The following MTA3 variants were observed in gnomAD, a reference collection of about 807,000 sequenced individuals.
The protein encoded by MTA3 is metastasis associated 1 family member 3, also known as metastasis-associated protein MTA3.
In MTA3, 34 loss-of-function variants were observed where a neutral mutation model predicts 83.5. The observed-to-expected ratio is 0.41, with a 90% confidence interval of 0.31 to 0.54. The LOEUF (loss-of-function observed/expected upper bound fraction) is 0.54. MTA3 is among the 20% of genes least tolerant of loss of function. The pLI is 0.33. For synonymous variants in MTA3, 303 were observed against 252.7 expected (o/e 1.20, Z -1.89); for missense variants, 761 against 726.4 (o/e 1.05, Z -0.55).
At chr2:42,587,946 C>T (rs1361062522) in intron 3 of MTA3, among the ~76,000 whole-genome samples, 4 of 152,100 alleles carry the variant, frequency 2.6e-5, no homozygotes, top group Non-Finnish European at 5.9e-5. Context: ...TTATGAATCA[C>T]TGCAACAGAA....
chr2:42,621,618 A>C (rs920496975), intron 4 of MTA3, among the ~76,000 whole-genome samples: 10 of 152,214 alleles, frequency 6.6e-5, no homozygotes, highest in South Asian at 2.1e-4. Context: ...CATCGTCATC[A>C]TGGCCCGTTC....
chr2:42,742,046 A>AT (rs1669075147), intron 16 of MTA3, among the ~76,000 whole-genome samples: 1 of 152,226 alleles, frequency 6.6e-6, no homozygotes, highest in Admixed American at 6.5e-5. Context: ...TTTTCTTTGT[A>AT]TAGGAAATGG....
At chr2:42,692,765 CTGTT>C (rs1226363049) in intron 9 of MTA3, among the ~76,000 whole-genome samples, 1 of 152,184 alleles carries the variant, frequency 6.6e-6, no homozygotes, top group Non-Finnish European at 1.5e-5. Flanking sequence ...TCACATGTCT[CTGTT>C]TGTCCAGCAT....
At chr2:42,679,422 G>T (rs1372136360) in intron 8 of MTA3, among the ~76,000 whole-genome samples, 1 of 152,130 alleles carries the variant, frequency 6.6e-6, no homozygotes, top group African/African-American at 2.4e-5. Context: ...CGCACAGAAA[G>T]GCCAATGTGC....
intron 4 of MTA3, among the ~76,000 whole-genome samples, chr2:42,639,202 A>G (rs563236100): frequency 5.3e-5 from 8 of 151,768 alleles, no homozygotes; most frequent in Non-Finnish European, 1.2e-4. Context: ...CTGGGATTAC[A>G]GGCATGTGCT....
At chr2:42,619,676 A>C (rs1386650992) in intron 4 of MTA3, among the ~76,000 whole-genome samples, 1 of 152,246 alleles carries the variant, frequency 6.6e-6, no homozygotes, top group Non-Finnish European at 1.5e-5. Context: ...ATTCAAAAAA[A>C]GGGAAGGACT....
chr2:42,653,249 T>C (rs1688875156), intron 6 of MTA3, among the ~76,000 whole-genome samples: 1 of 152,168 alleles, frequency 6.6e-6, no homozygotes, highest in Non-Finnish European at 1.5e-5. Context: ...TTTTTGATGA[T>C]ACGGCACTTG....
intron 2 of MTA3, among the ~76,000 whole-genome samples, chr2:42,509,194 C>T (rs1465831971): frequency 6.6e-6 from 1 of 152,010 alleles, no homozygotes; most frequent in South Asian, 2.1e-4. Context: ...AGGTGTCCAC[C>T]ACCATGCCCA....
chr2:42,545,934 A>G (rs368502267), intron 2 of MTA3, among the ~76,000 whole-genome samples: 10 of 152,180 alleles, frequency 6.6e-5, no homozygotes, highest in Admixed American at 1.3e-4. Context: ...TAAGATGGGT[A>G]TCTGGAACGT....
At chr2:42,608,157 G>A (rs1272041425) in intron 3 of MTA3, among the ~76,000 whole-genome samples, 1 of 152,170 alleles carries the variant, frequency 6.6e-6, no homozygotes, top group African/African-American at 2.4e-5. Flanking sequence ...TTGTAGAGCT[G>A]GTTGCTGTTT....
chr2:42,711,618 T>C (rs1376566649), intron 14 of MTA3, among the ~76,000 whole-genome samples: 1 of 152,168 alleles, frequency 6.6e-6, no homozygotes, highest in East Asian at 1.9e-4. Flanking sequence ...TTTCCTAACA[T>C]CTAATTGATT....
At chr2:42,502,735 T>G (rs1461195234) in intron 2 of MTA3, among the ~76,000 whole-genome samples, 5 of 144,626 alleles carry the variant, frequency 3.5e-5, no homozygotes, top group Non-Finnish European at 1.5e-5. Context: ...AGGCGGAGGT[T>G]GTGGTGAGCT....
intron 8 of MTA3, among the ~76,000 whole-genome samples, chr2:42,682,051 T>TA (rs1169213410): frequency 2.6e-5 from 4 of 151,522 alleles, no homozygotes; most frequent in African/African-American, 7.3e-5. Context: ...CTACATAAAA[T>TA]AAAAAAACTA....
chr2:42,556,415 G>A (rs1677395197), intron 2 of MTA3, among the ~76,000 whole-genome samples: 1 of 152,192 alleles, frequency 6.6e-6, no homozygotes, highest in South Asian at 2.1e-4. Flanking sequence ...AAGAAAAATG[G>A]GTTTTGCCTC....
chr2:42,695,898 T>G, intron 10 of MTA3, 59 bp downstream of exon 10: 1 of 1,167,978 alleles, frequency 8.6e-7, no homozygotes, highest in East Asian at 2.6e-5. Context: ...TCTGTTTATA[T>G]TTTAATATTT....
chr2:42,664,228 G>A (rs767768098), intron 8 of MTA3, among the ~76,000 whole-genome samples: 2 of 152,112 alleles, frequency 1.3e-5, no homozygotes, highest in Non-Finnish European at 2.9e-5. Flanking sequence ...TTTAGGTTCA[G>A]CTTTACTTAG....
intron 7 of MTA3, 112 bp from the exon 8 acceptor site, chr2:42,659,651 C>T: frequency 6.1e-6 from 4 of 656,088 alleles, no homozygotes; most frequent in Admixed American, 4.5e-5. Context: ...CTTGTTTTTG[C>T]CTCTTCTTTT....
At chr2:42,712,313 T>A (rs79566504) in intron 14 of MTA3, among the ~76,000 whole-genome samples, 1 of 151,982 alleles carries the variant, frequency 6.6e-6, no homozygotes, top group Admixed American at 6.6e-5. Context: ...TTTTTTTTTT[T>A]AAGAGACGGT....
At chr2:42,618,298 T>G (rs904434505) in intron 4 of MTA3, among the ~76,000 whole-genome samples, 8 of 152,146 alleles carry the variant, frequency 5.3e-5, no homozygotes, top group African/African-American at 1.9e-4. Flanking sequence ...AGTGTCATTA[T>G]CATTTGAGAA....
Sources: allele counts gnomAD v4.1 joint callset (sites outside exome capture counted in the v4.1 genomes callset), GRCh38; gene constraint gnomAD v4.1.1; transcripts MANE v1.5; gene names NCBI Gene and HGNC (gene_info 2026-07-23, HGNC 2026-07-21).